B4GALNT2: variants seen among roughly 807,000 people sequenced by gnomAD.
B4GALNT2 encodes the protein beta-1,4-N-acetyl-galactosaminyltransferase 2 (SID blood group).
In B4GALNT2, 42 loss-of-function variants were observed where a neutral mutation model predicts 51.1. The ratio of observed to expected loss-of-function variants is 0.82; its 90% CI spans 0.64 to 1.06. The LOEUF (loss-of-function observed/expected upper bound fraction) is 1.06, where lower values mean the gene tolerates loss of function less well. Among genes scored for constraint, B4GALNT2 ranks in the 50% least tolerant of loss-of-function variants. The probability of loss-of-function intolerance (pLI) is 0.00; values close to 1 mark genes in which losing one functional copy is unlikely to be tolerated. For missense variants in B4GALNT2, 602 were observed against 633.6 expected (o/e 0.95, Z 0.54); for synonymous variants, 253 against 251.7 (o/e 1.01, Z -0.05).
At position 49,169,743 on chromosome 17, in the gene B4GALNT2, A is replaced by T. The variant is rs2042945272; in HGVS notation, c.*15A>T. The T allele has an allele frequency of 6.5e-7, 1 of 1,540,034 alleles. No individual in the cohort carries two copies. Among genetic ancestry groups the T allele is most frequent in the Non-Finnish European group, 8.8e-7 (1 of 1,139,764 alleles). On this transcript the variant is annotated 3_prime_UTR_variant, in exon 11 of 11. Coordinates refer to ENST00000393354, the MANE Select transcript of B4GALNT2 (RefSeq NM_001159387.2). ...GTGCCGCATAAAGGTGTGAGGGCATAGGAGAAACACTAGGCTGGCTGGTTA... is the reference window on the plus strand; with the variant it reads ...GTGCCGCATAAAGGTGTGAGGGCATTGGAGAAACACTAGGCTGGCTGGTTA...
chr17:49,155,889 A>AT (rs1056973461), intron 4 of B4GALNT2, among the ~76,000 whole-genome samples: 22 of 150,086 alleles, frequency 1.5e-4, no homozygotes, highest in African/African-American at 4.4e-4. Context: ...TGCCCGGCCA[A>AT]TTTTTTTTTG....
At chr17:49,130,125 T>A (rs1299710224), upstream of B4GALNT2, among the ~76,000 whole-genome samples, 2 of 152,302 alleles carry the variant, frequency 1.3e-5, no homozygotes, top group East Asian at 1.9e-4. Context: ...GGAGAGAGGA[T>A]CTACAACCAT....
the B4GALNT2 span, among the ~76,000 whole-genome samples, chr17:49,124,184 C>CTT: frequency 6.6e-6 from 1 of 152,204 alleles, no homozygotes; most frequent in African/African-American, 2.4e-5. Flanking sequence ...AAAAAGATCA[C>CTT]TTCAGTCTCC....
At chr17:49,166,284 C>T (rs1471945209) in intron 9 of B4GALNT2, 30 bp downstream of exon 9, 6 of 1,439,622 alleles carry the variant, frequency 4.2e-6, no homozygotes, top group Non-Finnish European at 4.7e-6. Flanking sequence ...TTCACCCAGC[C>T]ACAATCTGTA....
chr17:49,154,290 T>G (rs1321390092), intron 4 of B4GALNT2, among the ~76,000 whole-genome samples: 1 of 152,166 alleles, frequency 6.6e-6, no homozygotes, highest in Non-Finnish European at 1.5e-5. Context: ...CATGAGCCAC[T>G]GAGCCTGGCC....
chr17:49,152,434 G>A (rs1598207307), intron 3 of B4GALNT2, among the ~76,000 whole-genome samples: 1 of 152,292 alleles, frequency 6.6e-6, no homozygotes, highest in South Asian at 2.1e-4. Flanking sequence ...AGCACTTTGG[G>A]AGGCCAAGGC....
At chr17:49,168,593 C>A in intron 9 of B4GALNT2, 88 bp from the exon 10 acceptor site, 1 of 1,223,464 alleles carries the variant, frequency 8.2e-7, no homozygotes. Flanking sequence ...CTTGTTATAA[C>A]CGAGGTGCAG....
intron 1 of B4GALNT2, among the ~76,000 whole-genome samples, chr17:49,137,756 G>A (rs1475530528): frequency 6.6e-6 from 1 of 152,100 alleles, no homozygotes; most frequent in Non-Finnish European, 1.5e-5. Context: ...GGAGGCCCCT[G>A]TTAAGTTACC....
chr17:49,169,012 C>G (rs946855243), intron 10 of B4GALNT2, 112 bp downstream of exon 10: 1 of 1,065,218 alleles, frequency 9.4e-7, no homozygotes, highest in East Asian at 2.6e-5. Flanking sequence ...TGCCCAGTAG[C>G]AGTACATCCC....
chr17:49,142,308 G>T, intron 3 of B4GALNT2, 136 bp downstream of exon 3: 1 of 1,124,336 alleles, frequency 8.9e-7, no homozygotes, highest in South Asian at 1.7e-5. Flanking sequence ...GAACTATTAG[G>T]AATGAAACAA....
rs1026711119 is a variant in B4GALNT2, at chr17:49,176,746, T to A, written c.*7018T>A. The A allele has an allele frequency of 6.6e-6, 1 of 152,226 alleles. No homozygotes were observed. Among genetic ancestry groups the A allele is most frequent in the African/African-American group, 2.4e-5 (1 of 41,458 alleles). 9.4% of individuals were successfully genotyped at this position (152,226 alleles called of 1,614,324 possible). A position where few individuals can be genotyped will look rare whatever the true frequency, so the allele number is the denominator to read the frequency against. ...TTACAGTTTCTGTTTACCTGTAAACTTTTTCTTCCTGTGGCCTAGGGTAGT... is the reference window on the plus strand; with the variant it reads ...TTACAGTTTCTGTTTACCTGTAAACATTTTCTTCCTGTGGCCTAGGGTAGT... On this transcript the variant is annotated 3_prime_UTR_variant, in exon 11 of 11. Transcript: ENST00000393354.
intron 1 of B4GALNT2, among the ~76,000 whole-genome samples, chr17:49,137,353 G>GT (rs2042600214): frequency 6.6e-6 from 1 of 152,208 alleles, no homozygotes; most frequent in African/African-American, 2.4e-5. Context: ...TATCATGGGA[G>GT]TGGGTTCGTT....
rs1460685980 is a variant in B4GALNT2 at position 49,174,963 on chromosome 17, C to T, written c.*5235C>T. 4 of 152,114 alleles carry T rather than the reference C, an allele frequency of 2.6e-5. No individual in the cohort carries two copies. In the South Asian group the frequency reaches 6.2e-4, roughly 24 times the overall value. The allele number at this position is 152,114 out of a possible 1,614,324, so 9.4% of individuals were successfully genotyped here. A position where few individuals can be genotyped will look rare whatever the true frequency, so the allele number is the denominator to read the frequency against. On this transcript the variant is annotated 3_prime_UTR_variant, in exon 11 of 11. Coordinates refer to ENST00000393354, the MANE Select transcript of B4GALNT2 (RefSeq NM_001159387.2). ...CTCTAGAATTAGAACTTGTGCTATC[C>T]ATTGTTGTAACAAATCTCTTTCCCA... is the stretch of plus-strand genomic sequence containing the variant.
rs779554542 is a variant in B4GALNT2, at chr17:49,142,221, C to T, written c.353+49C>T. On this transcript the variant is annotated intron_variant, in intron 3 of 10. Transcript: ENST00000393354. ...TGGGTTCTGAGATGGAACAAAAGCC[C>T]TCCCTATGTCCTGAGGTTGTGAATC... 10 of 1,609,158 alleles carry T rather than the reference C, an allele frequency of 6.2e-6. No individual in the cohort carries two copies. In the South Asian group the frequency reaches 8.8e-5, roughly 14 times the overall value.
chr17:49,146,498 A>G (rs1386191222), intron 3 of B4GALNT2, among the ~76,000 whole-genome samples: 1 of 152,092 alleles, frequency 6.6e-6, no homozygotes, highest in African/African-American at 2.4e-5. Context: ...TTTTATGGAG[A>G]TGGGGTTTCC....
chr17:49,151,243 G>A (rs1251009992), intron 3 of B4GALNT2, among the ~76,000 whole-genome samples: 8 of 48 alleles, frequency 0.17, 4 homozygotes, highest in African/African-American at 0.17. Context: ...GCGTAGTGGC[G>A]GGCGCCTGTA....
chr17:49,163,772 A>G (rs1327513945), intron 7 of B4GALNT2, among the ~76,000 whole-genome samples: 1 of 151,670 alleles, frequency 6.6e-6, no homozygotes, highest in Non-Finnish European at 1.5e-5. Context: ...AAAAAAAAAA[A>G]AAAAAAGGAA....
chr17:49,125,975 G>A, the B4GALNT2 span, among the ~76,000 whole-genome samples: 1 of 151,258 alleles, frequency 6.6e-6, no homozygotes, highest in Non-Finnish European at 1.5e-5. Flanking sequence ...CCCTCTGCCC[G>A]GCCGCCACCC....
At chr17:49,121,267 G>A in the B4GALNT2 span, among the ~76,000 whole-genome samples, 5 of 152,190 alleles carry the variant, frequency 3.3e-5, no homozygotes, top group African/African-American at 1.2e-4. Flanking sequence ...GAGTCAAGCA[G>A]TTGCTAACTG....
Sources: gnomAD v4.1 joint callset for allele counts (sites outside exome capture counted in the v4.1 genomes callset) on GRCh38, gnomAD v4.1.1 for gene constraint, MANE v1.5 for transcripts, NCBI Gene and HGNC (gene_info 2026-07-23, HGNC 2026-07-21) for gene names.